MYOCD: variants seen among roughly 807,000 people sequenced by gnomAD.
The protein encoded by MYOCD is myocardin.
In MYOCD, 32 loss-of-function variants were observed where a neutral mutation model predicts 96.1. The observed-to-expected ratio is 0.33, with a 90% CI of 0.25 to 0.45. The LOEUF is 0.45. Ranked by LOEUF, MYOCD falls within the 20% of genes least tolerant of loss-of-function variation. The pLI is 1.00. For missense variants in MYOCD, 1,133 were observed against 1,200.6 expected, an observed-to-expected ratio of 0.94 and a Z score of 0.83; for synonymous variants, 469 against 469.0, an observed-to-expected ratio of 1.00 and a Z score of 0.00.
chr17:12,717,501 G>A, intron 4 of MYOCD, 80 bp downstream of exon 4: 1 of 1,153,238 alleles, frequency 8.7e-7, no homozygotes, highest in Non-Finnish European at 1.3e-6. Flanking sequence ...TCTCTGTACA[G>A]TTGCTAAGCC....
At chr17:12,742,520 A>T (rs539836249) in intron 7 of MYOCD, among the ~76,000 whole-genome samples, 81 of 152,236 alleles carry the variant, frequency 5.3e-4, no homozygotes, top group African/African-American at 1.8e-3. Context: ...ACTCGTGGTC[A>T]TGACATCCGT....
intron 10 of MYOCD, among the ~76,000 whole-genome samples, chr17:12,754,937 A>G (rs1006269016): frequency 1.3e-5 from 2 of 152,228 alleles, no homozygotes; most frequent in African/African-American, 4.8e-5. Flanking sequence ...TTAGTTACCC[A>G]GGATCACATG....
At chr17:12,684,341 G>A (rs904045550) in intron 1 of MYOCD, among the ~76,000 whole-genome samples, 19 of 152,064 alleles carry the variant, frequency 1.2e-4, no homozygotes, top group African/African-American at 3.1e-4. Flanking sequence ...AAAACATGCC[G>A]GTGTAGCCCT....
At chr17:12,682,414 A>G (rs1910525368) in intron 1 of MYOCD, among the ~76,000 whole-genome samples, 1 of 152,180 alleles carries the variant, frequency 6.6e-6, no homozygotes, top group Non-Finnish European at 1.5e-5. Context: ...TCATCAGCCA[A>G]TAGCTTTCCC....
chr17:12,719,234 A>T (rs575969791), intron 4 of MYOCD, among the ~76,000 whole-genome samples: 2 of 149,304 alleles, frequency 1.3e-5, no homozygotes, highest in South Asian at 4.3e-4. Context: ...GATCAAGTTA[A>T]CAAATAAAAA....
At chr17:12,688,308 T>C (rs1471456534) in intron 1 of MYOCD, among the ~76,000 whole-genome samples, 1 of 152,210 alleles carries the variant, frequency 6.6e-6, no homozygotes, top group Non-Finnish European at 1.5e-5. Context: ...AGATCGCTTA[T>C]AGGAATGATC....
chr17:12,703,714 T>C (rs896760429), intron 1 of MYOCD, among the ~76,000 whole-genome samples: 8 of 152,128 alleles, frequency 5.3e-5, no homozygotes, highest in African/African-American at 1.9e-4. Context: ...ATGTTAGACT[T>C]TTAGATATTG....
chr17:12,689,366 A>G (rs1416130097), intron 1 of MYOCD, among the ~76,000 whole-genome samples: 3 of 152,226 alleles, frequency 2.0e-5, no homozygotes, highest in Non-Finnish European at 4.4e-5. Context: ...CCTATAAAGT[A>G]TATATTTTGT....
intron 5 of MYOCD, among the ~76,000 whole-genome samples, chr17:12,733,637 G>A (rs941816226): frequency 6.6e-6 from 1 of 152,166 alleles, no homozygotes; most frequent in African/African-American, 2.4e-5. Context: ...GGAGGCCGAG[G>A]TGTGTGGATC....
At chr17:12,725,434 A>G (rs1597784310) in intron 5 of MYOCD, among the ~76,000 whole-genome samples, 1 of 148,640 alleles carries the variant, frequency 6.7e-6, no homozygotes, top group East Asian at 1.9e-4. Flanking sequence ...TATATTATAA[A>G]GTATACTATA....
chr17:12,681,060 GA>G (rs1188517432), intron 1 of MYOCD, among the ~76,000 whole-genome samples: 1 of 152,182 alleles, frequency 6.6e-6, no homozygotes, highest in South Asian at 2.1e-4. Context: ...AGCGCTGAAG[GA>G]GCTATCTCAA....
At chr17:12,755,059 A>G (rs2032973023) in intron 10 of MYOCD, among the ~76,000 whole-genome samples, 3 of 152,242 alleles carry the variant, frequency 2.0e-5, no homozygotes, top group African/African-American at 7.2e-5. Context: ...ACAAACCTAC[A>G]GGAACAATGC....
intron 5 of MYOCD, among the ~76,000 whole-genome samples, chr17:12,725,466 A>G (rs1035194647): frequency 6.7e-6 from 1 of 148,492 alleles, no homozygotes; most frequent in Non-Finnish European, 1.5e-5. Context: ...AAACCAAATA[A>G]TATATATCTT....
chr17:12,685,380 G>A (rs2030055418), intron 1 of MYOCD, among the ~76,000 whole-genome samples: 1 of 152,092 alleles, frequency 6.6e-6, no homozygotes, highest in African/African-American at 2.4e-5. Context: ...CAAGGCAGGT[G>A]GATCACTTGA....
At chr17:12,719,919 C>T (rs1483223685) in intron 4 of MYOCD, among the ~76,000 whole-genome samples, 1 of 150,414 alleles carries the variant, frequency 6.6e-6, no homozygotes, top group Non-Finnish European at 1.5e-5. Flanking sequence ...TAAAAGAATT[C>T]TCGGTGGAAT....
At chr17:12,675,934 A>G (rs780758336) in intron 1 of MYOCD, among the ~76,000 whole-genome samples, 26 of 152,310 alleles carry the variant, frequency 1.7e-4, no homozygotes, top group African/African-American at 5.3e-4. Flanking sequence ...TATAAGTAGA[A>G]CTGTTCATTA....
intron 9 of MYOCD, among the ~76,000 whole-genome samples, chr17:12,750,703 T>C (rs1300249617): frequency 6.6e-6 from 1 of 151,514 alleles, no homozygotes; most frequent in Non-Finnish European, 1.5e-5. Flanking sequence ...AAAAACTAAT[T>C]TAATTTTTGC....
chr17:12,697,401 C>T (rs1199488517), intron 1 of MYOCD, among the ~76,000 whole-genome samples: 1 of 131,460 alleles, frequency 7.6e-6, no homozygotes, highest in African/African-American at 2.8e-5. Context: ...CTCGCTCTGT[C>T]GCCCAGGCTG....
At chr17:12,694,596 T>G (rs990325148) in intron 1 of MYOCD, among the ~76,000 whole-genome samples, 1 of 152,038 alleles carries the variant, frequency 6.6e-6, no homozygotes, top group African/African-American at 2.4e-5. Flanking sequence ...GTAGCTTCCA[T>G]GTGATAGGAG....
Sources: gnomAD v4.1 joint callset for allele counts (sites outside exome capture counted in the v4.1 genomes callset) on GRCh38, gnomAD v4.1.1 for gene constraint, MANE v1.5 for transcripts, NCBI Gene and HGNC (gene_info 2026-07-23, HGNC 2026-07-21) for gene names.